CHL1: variants seen among roughly 807,000 people sequenced by gnomAD.
CHL1 encodes cell adhesion molecule L1 like.
A neutral mutation model predicts 141.9 loss-of-function variants in CHL1; 96 were observed. The ratio of observed to expected loss-of-function variants is 0.68; its 90% CI spans 0.57 to 0.80. The LOEUF (loss-of-function observed/expected upper bound fraction) is 0.80, where lower values mean the gene tolerates loss of function less well. Among genes scored for constraint, CHL1 ranks in the 30% least tolerant of loss-of-function variants. The pLI, the probability that CHL1 is intolerant of heterozygous loss-of-function variation, is 0.00. For missense variants in CHL1, 1,820 were observed against 1,457.2 expected, an observed-to-expected ratio of 1.25 and a Z score of -4.05; for synonymous variants, 613 against 502.2, an observed-to-expected ratio of 1.22 and a Z score of -2.95.
chr3:213,457 AATAG>A (rs1228327355), intron 1 of CHL1: 5 of 152,202 alleles, frequency 3.3e-5, no homozygotes, highest in African/African-American at 9.6e-5. Flanking sequence ...TCCAAGATGA[AATAG>A]ATAGACTTTC....
At chr3:268,402 G>A (rs555806243) in intron 2 of CHL1, among the ~76,000 whole-genome samples, 37 of 152,196 alleles carry the variant, frequency 2.4e-4, no homozygotes, top group Middle Eastern at 3.4e-3. Flanking sequence ...AGGCACAGTG[G>A]TGGGCACCTG....
At chr3:244,092 A>G (rs1205605255) in intron 1 of CHL1, among the ~76,000 whole-genome samples, 1 of 148,910 alleles carries the variant, frequency 6.7e-6, no homozygotes, top group East Asian at 2.2e-4. Context: ...GGCTTGGCAA[A>G]CCATGGTGAG....
chr3:223,739 T>C (rs2124995334), intron 1 of CHL1, among the ~76,000 whole-genome samples: 1 of 152,258 alleles, frequency 6.6e-6, no homozygotes, highest in South Asian at 2.1e-4. Flanking sequence ...ATTACTCAGA[T>C]CAGCATCTCT....
chr3:242,342 A>G (rs1414997703), intron 1 of CHL1, among the ~76,000 whole-genome samples: 116 of 150,106 alleles, frequency 7.7e-4, no homozygotes, highest in African/African-American at 2.3e-3. Flanking sequence ...CACGCCTGTA[A>G]TCCCAGCACT....
intron 16 of CHL1, among the ~76,000 whole-genome samples, chr3:378,481 C>T (rs1432720332): frequency 6.6e-6 from 1 of 152,170 alleles, no homozygotes; most frequent in African/African-American, 2.4e-5. Flanking sequence ...AGTGTGCACA[C>T]TTCACTAGTA....
Position 408,664 on chromosome 3 carries a change from A to G in CHL1, c.*2953A>G, listed in dbSNP as rs1171902935. ...CACATAAATATATTTTTATAGAAAAACAAATCTACATAAAATAAATCTACT... is the reference window on the plus strand; with the variant it reads ...CACATAAATATATTTTTATAGAAAAGCAAATCTACATAAAATAAATCTACT... On this transcript the variant is annotated 3_prime_UTR_variant, in exon 28 of 28. Transcript: ENST00000256509. 6.6e-6 allele frequency: 1 copy of G among 152,136 alleles called. No individual in the cohort carries two copies. Among genetic ancestry groups the G allele is most frequent in the Non-Finnish European group, 1.5e-5 (1 of 68,012 alleles). 9.4% of individuals were successfully genotyped at this position (152,136 alleles called of 1,614,324 possible).
At chr3:346,449 G>A (rs1359822082) in intron 9 of CHL1, among the ~76,000 whole-genome samples, 5 of 152,302 alleles carry the variant, frequency 3.3e-5, no homozygotes, top group African/African-American at 9.6e-5. Flanking sequence ...ATTGAGTTGG[G>A]CAGGGTGATC....
At chr3:339,847 A>G (rs1316604325) in intron 5 of CHL1, among the ~76,000 whole-genome samples, 2 of 152,222 alleles carry the variant, frequency 1.3e-5, no homozygotes, top group Admixed American at 6.5e-5. Flanking sequence ...TCATAATTTA[A>G]GAATGAAACA....
At chr3:233,491 T>A (rs1205350222) in intron 1 of CHL1, among the ~76,000 whole-genome samples, 1 of 152,172 alleles carries the variant, frequency 6.6e-6, no homozygotes, top group Non-Finnish European at 1.5e-5. Flanking sequence ...TTTATTTTGA[T>A]GTAAAAAAAT....
chr3:205,804 G>A (rs73007357), intron 1 of CHL1, among the ~76,000 whole-genome samples: 14,642 of 152,242 alleles, frequency 0.096, 817 homozygotes, highest in African/African-American at 0.14. Context: ...CATTTATCAA[G>A]TGTTTATTAT....
At chr3:337,556 C>T (rs1480744315) in intron 5 of CHL1, among the ~76,000 whole-genome samples, 2 of 150,608 alleles carry the variant, frequency 1.3e-5, no homozygotes, top group African/African-American at 4.9e-5. Flanking sequence ...GTGATGTCCC[C>T]CTTCCTATGT....
intron 24 of CHL1, among the ~76,000 whole-genome samples, chr3:395,396 G>A (rs1466799876): frequency 2.6e-5 from 4 of 152,192 alleles, no homozygotes; most frequent in Non-Finnish European, 4.4e-5. Flanking sequence ...GGTTTCACTT[G>A]TAACACAATT....
At chr3:304,762 C>T (rs457628) in intron 2 of CHL1, among the ~76,000 whole-genome samples, 14,063 of 139,992 alleles carry the variant, frequency 0.1, 2,173 homozygotes, top group African/African-American at 0.34. Context: ...CTGATCTTAG[C>T]TATTTCATGT....
intron 2 of CHL1, among the ~76,000 whole-genome samples, chr3:290,733 A>G (rs1270991454): frequency 1.3e-5 from 2 of 152,138 alleles, no homozygotes; most frequent in Admixed American, 1.3e-4. Context: ...AGAACATCAG[A>G]TGGCAATAAG....
In CHL1 at chr3:390,738, T is replaced by A; in HGVS notation, c.2508T>A (p.Val836=). Residue 836 remains valine, a synonymous_variant, in exon 21 of 28, where the codon GTT becomes GTA. Transcript: ENST00000256509. ...DTAPVIHGVD[V]INSTLVKVTW... ...CTCCAGTGATCCATGGGGTGGACGT[T>A]ATAAACAGTACATTAGTTAAAGTTA... The A allele has an allele frequency of 6.2e-7, 1 of 1,610,446 alleles. No individual in the cohort carries two copies. The highest frequency in any genetic ancestry group is 8.5e-7 in the Non-Finnish European group (1 of 1,176,676).
At chr3:347,284 T>C (rs912748435) in intron 9 of CHL1, among the ~76,000 whole-genome samples, 5 of 151,890 alleles carry the variant, frequency 3.3e-5, no homozygotes, top group African/African-American at 1.2e-4. Context: ...CTGAAAAAAA[T>C]TGAGATTATG....
At chr3:233,036 C>A (rs1702004897) in intron 1 of CHL1, among the ~76,000 whole-genome samples, 1 of 150,972 alleles carries the variant, frequency 6.6e-6, no homozygotes, top group Admixed American at 6.6e-5. Context: ...CATAATGAAT[C>A]AAGACATCCA....
At chr3:220,058 A>T (rs1440579841) in intron 1 of CHL1, among the ~76,000 whole-genome samples, 1 of 152,196 alleles carries the variant, frequency 6.6e-6, no homozygotes, top group Non-Finnish European at 1.5e-5. Context: ...ATGCTAGGTG[A>T]AAGAAAGTTA....
intron 18 of CHL1, 99 bp from the exon 19 acceptor site, chr3:383,717 T>C: frequency 1.4e-6 from 1 of 716,164 alleles, no homozygotes; most frequent in Non-Finnish European, 2.4e-6. Flanking sequence ...ACAATCAAAC[T>C]TACTTAATTA....
Sources: allele counts gnomAD v4.1 joint callset (sites outside exome capture counted in the v4.1 genomes callset), GRCh38; gene constraint gnomAD v4.1.1; transcripts MANE v1.5; gene names NCBI Gene and HGNC (gene_info 2026-07-23, HGNC 2026-07-21).